FRMD5: variants seen among roughly 807,000 people sequenced by gnomAD.
FRMD5 encodes FERM domain containing 5.
FRMD5 carries 20 observed loss-of-function variants against 69.0 expected under a neutral mutation model. That is an observed-to-expected ratio of 0.29 (90% confidence interval 0.20 to 0.42). The LOEUF (loss-of-function observed/expected upper bound fraction) is 0.42. FRMD5 is among the 10% of genes least tolerant of loss of function. The pLI, the probability that FRMD5 is intolerant of heterozygous loss-of-function variation, is 1.00. For synonymous variants in FRMD5, 271 were observed against 260.1 expected, an observed-to-expected ratio of 1.04 and a Z score of -0.40; for missense variants, 595 against 708.6, an observed-to-expected ratio of 0.84 and a Z score of 1.82.
intron 1 of FRMD5, among the ~76,000 whole-genome samples, chr15:44,162,881 A>C (rs1033241915): frequency 2.7e-5 from 4 of 149,592 alleles, no homozygotes; most frequent in African/African-American, 7.4e-5. Flanking sequence ...AAAAAAAAAA[A>C]AAAAAAAACA....
Position 43,877,007 on chromosome 15 carries a change from A to G in FRMD5, c.1136-2545T>C, listed in dbSNP as rs553453456. Among the ~76,000 whole-genome samples, 3 of 152,166 alleles carry G rather than the reference A, an allele frequency of 2.0e-5. No individual in the cohort carries two copies. In the East Asian group the frequency reaches 5.8e-4, roughly 29 times the overall value. ...GGCAGGGAAAACAGGAGCTGGTTACACTCTCAACTGAACAGCAGCCACCCA... is the reference window on the plus strand; with the variant it reads ...GGCAGGGAAAACAGGAGCTGGTTACGCTCTCAACTGAACAGCAGCCACCCA... On this transcript the variant is annotated intron_variant, in intron 13 of 13. Coordinates refer to ENST00000417257, the MANE Select transcript of FRMD5 (RefSeq NM_032892.5).
intron 4 of FRMD5, among the ~76,000 whole-genome samples, chr15:43,916,954 C>T (rs757333898): frequency 6.6e-5 from 10 of 151,740 alleles, no homozygotes; most frequent in African/African-American, 1.2e-4. Flanking sequence ...AATATTTTGT[C>T]TTTTTAGTAG....
intron 1 of FRMD5, among the ~76,000 whole-genome samples, chr15:44,001,168 AC>A (rs1175153389): frequency 2.0e-5 from 3 of 152,192 alleles, no homozygotes; most frequent in African/African-American, 7.2e-5. Context: ...GATGTTGAAC[AC>A]CTTTTCATAT....
chr15:43,894,067 C>T (rs376475895), intron 7 of FRMD5, among the ~76,000 whole-genome samples: 12 of 152,196 alleles, frequency 7.9e-5, no homozygotes, highest in Non-Finnish European at 1.8e-4. Context: ...AACTGGAATG[C>T]AGACACTATG....
intron 1 of FRMD5, among the ~76,000 whole-genome samples, chr15:44,022,169 C>T (rs1040521065): frequency 3.3e-5 from 5 of 152,006 alleles, no homozygotes; most frequent in Non-Finnish European, 5.9e-5. Context: ...GATTAAAAAG[C>T]TCTGAAAATG....
intron 1 of FRMD5, among the ~76,000 whole-genome samples, chr15:44,108,473 C>T (rs1050163782): frequency 6.6e-6 from 1 of 152,066 alleles, no homozygotes; most frequent in Admixed American, 6.6e-5. Context: ...AGAGAAACCC[C>T]GTCTCTACTA....
chr15:43,914,108 G>A (rs1168078690), intron 4 of FRMD5, among the ~76,000 whole-genome samples: 2 of 152,178 alleles, frequency 1.3e-5, no homozygotes, highest in Non-Finnish European at 2.9e-5. Context: ...AGATGCCAGG[G>A]AAAACCTGAG....
At chr15:44,074,255 C>G (rs1230040225) in intron 1 of FRMD5, among the ~76,000 whole-genome samples, 1 of 152,106 alleles carries the variant, frequency 6.6e-6, no homozygotes, top group Non-Finnish European at 1.5e-5. Flanking sequence ...ATTTTTATTT[C>G]AAAAAGCTTA....
chr15:43,949,184 G>A (rs368733242), intron 1 of FRMD5, among the ~76,000 whole-genome samples: 3 of 152,292 alleles, frequency 2.0e-5, no homozygotes, highest in East Asian at 3.9e-4. Flanking sequence ...TGGCCTGTGT[G>A]GATGACTGGG....
At chr15:43,925,886 C>A (rs1039582543) in intron 1 of FRMD5, among the ~76,000 whole-genome samples, 1 of 152,228 alleles carries the variant, frequency 6.6e-6, no homozygotes, top group African/African-American at 2.4e-5. Flanking sequence ...TACAGCCCTT[C>A]CCAGTTACTT....
chr15:43,962,401 A>AAAGAGGAC (rs2090217291), intron 1 of FRMD5, among the ~76,000 whole-genome samples: 1 of 152,222 alleles, frequency 6.6e-6, no homozygotes, highest in African/African-American at 2.4e-5. Context: ...CAATGAAATA[A>AAAGAGGAC]AAGAGGACAC....
Position 44,034,825 on chromosome 15 carries a change from T to G in FRMD5, c.103-110516A>C, listed in dbSNP as rs1891837784. On this transcript the variant is annotated intron_variant, in intron 1 of 13. Transcript: ENST00000417257. ...TAGTCAAACACCGATGAGTTCTACA[T>G]GAGGCTCATTCTAGCCCTAACCTAA... Among the ~76,000 whole-genome samples, 3 of 152,176 alleles carry G rather than the reference T, an allele frequency of 2.0e-5. No individual in the cohort carries two copies. In the South Asian group the frequency reaches 6.2e-4, roughly 32 times the overall value.
intron 1 of FRMD5, among the ~76,000 whole-genome samples, chr15:44,084,385 C>T (rs964070145): frequency 1.6e-4 from 24 of 152,154 alleles, no homozygotes; most frequent in African/African-American, 5.1e-4. Flanking sequence ...TTACAGAATT[C>T]CCCACTACCA....
chr15:43,915,421 T>G (rs893119808), intron 4 of FRMD5, among the ~76,000 whole-genome samples: 1 of 152,224 alleles, frequency 6.6e-6, no homozygotes, highest in African/African-American at 2.4e-5. Flanking sequence ...GCCTGGTGAC[T>G]CCGTTCGTTC....
intron 13 of FRMD5, among the ~76,000 whole-genome samples, chr15:43,874,815 G>A (rs2088282396): frequency 2.0e-5 from 3 of 152,138 alleles, no homozygotes; most frequent in Admixed American, 1.3e-4. Flanking sequence ...CAGGAGAATC[G>A]CTTGAACCCG....
At chr15:44,022,593 A>AG (rs1334428573) in intron 1 of FRMD5, among the ~76,000 whole-genome samples, 1 of 149,092 alleles carries the variant, frequency 6.7e-6, no homozygotes, top group Non-Finnish European at 1.5e-5. Context: ...AGAAAAAAAA[A>AG]AAAAAAAAAA....
At chr15:43,885,167 A>G in intron 11 of FRMD5, 1 of 211,250 alleles carries the variant, frequency 4.7e-6, no homozygotes, top group Non-Finnish European at 9.6e-6. Context: ...AAGAGAAGAT[A>G]CATATTTATT....
At chr15:44,061,822 T>C (rs890878670) in intron 1 of FRMD5, among the ~76,000 whole-genome samples, 3 of 152,198 alleles carry the variant, frequency 2.0e-5, no homozygotes, top group Non-Finnish European at 2.9e-5. Flanking sequence ...AAATCTGAAA[T>C]ACGGCCAGCA....
intron 1 of FRMD5, among the ~76,000 whole-genome samples, chr15:44,048,602 T>C (rs995813283): frequency 1.3e-5 from 2 of 152,164 alleles, no homozygotes; most frequent in African/African-American, 2.4e-5. Flanking sequence ...AGATAGAGTC[T>C]CACTCTGTTG....
Sources: gnomAD v4.1 joint callset for allele counts (sites outside exome capture counted in the v4.1 genomes callset) on GRCh38, gnomAD v4.1.1 for gene constraint, MANE v1.5 for transcripts, NCBI Gene and HGNC (gene_info 2026-07-23, HGNC 2026-07-21) for gene names.